TMTC2: variants seen among roughly 807,000 people sequenced by gnomAD.
TMTC2 encodes protein O-mannosyl-transferase TMTC2.
TMTC2 carries 43 observed loss-of-function variants against 82.4 expected under a neutral mutation model. That is an observed-to-expected ratio of 0.52 (90% confidence interval 0.41 to 0.67). The LOEUF is 0.67. Among genes scored for constraint, TMTC2 ranks in the 30% least tolerant of loss-of-function variants. TMTC2 has a pLI of 0.00. For missense variants in TMTC2, 919 were observed against 1,012.4 expected, an observed-to-expected ratio of 0.91 and a Z score of 1.25; for synonymous variants, 408 against 381.9, an observed-to-expected ratio of 1.07 and a Z score of -0.80.
At chr12:83,000,179 G>A (rs1171489830) in intron 8 of TMTC2, among the ~76,000 whole-genome samples, 1 of 152,062 alleles carries the variant, frequency 6.6e-6, no homozygotes, top group East Asian at 1.9e-4. Context: ...CTGTCGCCCA[G>A]GCTGGAGTGC....
intron 1 of TMTC2, among the ~76,000 whole-genome samples, chr12:82,730,292 C>A: frequency 2.3e-5 from 1 of 44,366 alleles, no homozygotes; most frequent in Non-Finnish European, 4.1e-5. Context: ...AAAACTCTGT[C>A]TCTCAAAAAA....
intron 9 of TMTC2, among the ~76,000 whole-genome samples, chr12:83,032,246 T>C (rs1881457464): frequency 2.1e-5 from 3 of 140,142 alleles, no homozygotes; most frequent in South Asian, 4.4e-4. Context: ...TATAATATTA[T>C]AGAGAATATT....
chr12:82,844,973 A>T (rs1447373901), intron 1 of TMTC2, among the ~76,000 whole-genome samples: 1 of 151,814 alleles, frequency 6.6e-6, no homozygotes, highest in Non-Finnish European at 1.5e-5. Context: ...CACACCTGTA[A>T]TCCCAGCACT....
At chr12:82,779,009 C>A (rs138306929) in intron 1 of TMTC2, among the ~76,000 whole-genome samples, 2,271 of 147,878 alleles carry the variant, frequency 0.015, 68 homozygotes, top group African/African-American at 0.055. Flanking sequence ...TGCACTCCAA[C>A]CTGGGCGACA....
At chr12:82,712,946 G>A (rs138736201) in intron 1 of TMTC2, among the ~76,000 whole-genome samples, 2 of 152,222 alleles carry the variant, frequency 1.3e-5, no homozygotes, top group Non-Finnish European at 2.9e-5. Flanking sequence ...GCTGAGGGAA[G>A]GAAGAGGAGG....
chr12:82,985,788 A>G, intron 7 of TMTC2, 137 bp from the exon 8 acceptor site: 1 of 1,108,288 alleles, frequency 9.0e-7, no homozygotes, highest in Non-Finnish European at 1.3e-6. Context: ...TGGGAATCAG[A>G]TGAGAACATG....
intron 8 of TMTC2, among the ~76,000 whole-genome samples, chr12:83,022,471 C>A (rs1299326801): frequency 6.7e-6 from 1 of 150,272 alleles, no homozygotes; most frequent in Non-Finnish European, 1.5e-5. Context: ...AGGATTCCAC[C>A]ACTAAAATGT....
chr12:82,823,924 C>T (rs1199934433), intron 1 of TMTC2, among the ~76,000 whole-genome samples: 5 of 147,280 alleles, frequency 3.4e-5, no homozygotes, highest in East Asian at 4.0e-4. Context: ...GACGGAGTCT[C>T]GCTCTATCAC....
In TMTC2 at chr12:82,857,334, C is replaced by T. The variant is rs777586062; in HGVS notation, c.408C>T (p.Ile136=). The change falls in exon 2 of 12, where the codon ATC becomes ATT. Residue 136 remains isoleucine, a synonymous_variant. Coordinates refer to ENST00000321196, the MANE Select transcript of TMTC2 (RefSeq NM_152588.3). ...TTCACACGGAGGCAGTGGCAGGAAT[C>T]GTGGGACGAGCCGATGTCGGGGCCA... ...HPIHTEAVAG[I]VGRADVGASL... 96 of 1,613,460 alleles carry T rather than the reference C, an allele frequency of 5.9e-5. No individual in the cohort carries two copies. Among genetic ancestry groups the T allele is most frequent in the African/African-American group, 2.1e-4 (16 of 74,908 alleles).
intron 1 of TMTC2, among the ~76,000 whole-genome samples, chr12:82,710,224 T>G (rs1302794629): frequency 6.6e-6 from 1 of 152,234 alleles, no homozygotes; most frequent in Non-Finnish European, 1.5e-5. Context: ...CTCGATCAAT[T>G]GAGACACAGT....
intron 3 of TMTC2, among the ~76,000 whole-genome samples, chr12:82,912,637 G>A (rs982851569): frequency 2.0e-5 from 3 of 152,118 alleles, no homozygotes; most frequent in Non-Finnish European, 2.9e-5. Flanking sequence ...CTTCACAATT[G>A]TGGTTAAGAA....
chr12:83,101,133 C>T (rs1884202581), intron 11 of TMTC2, among the ~76,000 whole-genome samples: 1 of 152,246 alleles, frequency 6.6e-6, no homozygotes, highest in South Asian at 2.1e-4. Context: ...TTGCTTGTGA[C>T]ATTATTTTGC....
At chr12:83,021,594 A>G (rs972841142) in intron 8 of TMTC2, among the ~76,000 whole-genome samples, 1 of 94,504 alleles carries the variant, frequency 1.1e-5, no homozygotes, top group Non-Finnish European at 2.5e-5. Flanking sequence ...GACCCCATCT[A>G]TAAAAAAAAT....
At chr12:83,103,617 C>T (rs1884299406) in intron 11 of TMTC2, among the ~76,000 whole-genome samples, 1 of 152,178 alleles carries the variant, frequency 6.6e-6, no homozygotes, top group South Asian at 2.1e-4. Flanking sequence ...CAACAAGCCC[C>T]ACTTCCAACA....
intron 11 of TMTC2, among the ~76,000 whole-genome samples, chr12:83,108,314 G>A (rs935787755): frequency 1.1e-4 from 17 of 151,984 alleles, no homozygotes; most frequent in Admixed American, 4.6e-4. Flanking sequence ...TAGACACCAA[G>A]TAAAAATGTG....
At chr12:83,128,175 G>A (rs1469460659) in intron 11 of TMTC2, among the ~76,000 whole-genome samples, 1 of 152,070 alleles carries the variant, frequency 6.6e-6, no homozygotes, top group Non-Finnish European at 1.5e-5. Context: ...AAAGATCTGA[G>A]CAGTTGTCAT....
chr12:83,020,650 G>A (rs117122073), intron 8 of TMTC2, among the ~76,000 whole-genome samples: 267 of 120,754 alleles, frequency 2.2e-3, no homozygotes, highest in Non-Finnish European at 3.9e-3. Flanking sequence ...TCTACTTTGA[G>A]CTTAGTGTCA....
At chr12:82,996,054 T>C (rs1276127827) in intron 8 of TMTC2, among the ~76,000 whole-genome samples, 1 of 152,236 alleles carries the variant, frequency 6.6e-6, no homozygotes, top group Non-Finnish European at 1.5e-5. Flanking sequence ...GAAACCTTCA[T>C]TCAGTTTTTA....
At chr12:83,002,066 T>C (rs1198951320) in intron 8 of TMTC2, among the ~76,000 whole-genome samples, 1 of 152,200 alleles carries the variant, frequency 6.6e-6, no homozygotes, top group East Asian at 1.9e-4. Flanking sequence ...TGCCAGCTCT[T>C]TGTACATCCA....
Sources: gnomAD v4.1 joint callset for allele counts (sites outside exome capture counted in the v4.1 genomes callset) on GRCh38, gnomAD v4.1.1 for gene constraint, MANE v1.5 for transcripts, NCBI Gene and HGNC (gene_info 2026-07-23, HGNC 2026-07-21) for gene names.